Variants in APBA1 observed in about 807,000 individuals in gnomAD.
APBA1 encodes amyloid beta precursor protein binding family A member 1.
A neutral mutation model predicts 86.6 loss-of-function variants in APBA1; 55 were observed. That is an observed-to-expected ratio of 0.64 (90% confidence interval 0.51 to 0.80). The LOEUF (loss-of-function observed/expected upper bound fraction) is 0.80, where lower values mean the gene tolerates loss of function less well. Ranked by LOEUF, APBA1 falls within the 30% of genes least tolerant of loss-of-function variation. The pLI is 0.00. For missense variants in APBA1, 1,090 were observed against 1,183.0 expected (o/e 0.92, Z 1.15); for synonymous variants, 511 against 493.9 (o/e 1.03, Z -0.46).
chr9:69,458,039 C>T (rs1835128278), intron 6 of APBA1, 117 bp downstream of exon 6: 2 of 1,110,392 alleles, frequency 1.8e-6, no homozygotes, highest in Non-Finnish European at 2.5e-6. Context: ...AAAAAGAAAT[C>T]TGAACAAAAA....
chr9:69,493,682 T>G (rs1042571110), intron 2 of APBA1, among the ~76,000 whole-genome samples: 1 of 152,124 alleles, frequency 6.6e-6, no homozygotes, highest in Non-Finnish European at 1.5e-5. Flanking sequence ...CCATAAAATA[T>G]ATAGTAGGAG....
intron 2 of APBA1, among the ~76,000 whole-genome samples, chr9:69,477,788 GCCT>G (rs1394944271): frequency 2.9e-3 from 1 of 348 alleles, no homozygotes; most frequent in African/African-American, 9.3e-3. Flanking sequence ...CGGGCAGACT[GCCT>G]CCTCAAGTGG....
intron 2 of APBA1, among the ~76,000 whole-genome samples, chr9:69,505,745 T>C (rs1409154555): frequency 6.6e-6 from 1 of 152,060 alleles, no homozygotes; most frequent in Non-Finnish European, 1.5e-5. Flanking sequence ...AGGCCGGGTG[T>C]GGTGGCTCAT....
intron 5 of APBA1, among the ~76,000 whole-genome samples, chr9:69,460,284 A>G (rs997496228): frequency 2.6e-5 from 4 of 152,156 alleles, no homozygotes; most frequent in African/African-American, 7.2e-5. Flanking sequence ...CTGCTCTGAA[A>G]AAGTTTGAAG....
chr9:69,624,115 G>C (rs1039630955), intron 1 of APBA1, among the ~76,000 whole-genome samples: 1 of 152,166 alleles, frequency 6.6e-6, no homozygotes, highest in African/African-American at 2.4e-5. Context: ...CAGAGGTTCA[G>C]ATTATGATAC....
At chr9:69,605,886 G>C (rs955903120) in intron 1 of APBA1, among the ~76,000 whole-genome samples, 4 of 152,192 alleles carry the variant, frequency 2.6e-5, no homozygotes, top group Admixed American at 1.3e-4. Flanking sequence ...CCTGTAAATA[G>C]TAAGCAATCA....
chr9:69,625,529 G>A (rs543002811), intron 1 of APBA1, among the ~76,000 whole-genome samples: 14 of 152,124 alleles, frequency 9.2e-5, no homozygotes, highest in African/African-American at 2.4e-4. Flanking sequence ...TTGCTGGCTC[G>A]GTGAATATGG....
intron 1 of APBA1, among the ~76,000 whole-genome samples, chr9:69,656,839 C>CTTTT (rs55751456): frequency 5.2e-5 from 7 of 134,732 alleles, no homozygotes; most frequent in African/African-American, 1.1e-4. Flanking sequence ...ACCGGGAGAT[C>CTTTT]TTTTTTTTTT....
chr9:69,662,760 G>T (rs531913308), intron 1 of APBA1, among the ~76,000 whole-genome samples: 1 of 152,196 alleles, frequency 6.6e-6, no homozygotes, highest in East Asian at 1.9e-4. Context: ...AAGAGTGAAG[G>T]ACAGGAAAGA....
At chr9:69,533,801 G>A (rs373803851) in intron 1 of APBA1, among the ~76,000 whole-genome samples, 31 of 152,294 alleles carry the variant, frequency 2.0e-4, no homozygotes, top group African/African-American at 5.5e-4. Flanking sequence ...AACTGAAAGC[G>A]TTGGCAAAGC....
intron 10 of APBA1, among the ~76,000 whole-genome samples, chr9:69,446,542 CTG>C (rs1439607361): frequency 2.6e-5 from 4 of 152,238 alleles, no homozygotes; most frequent in East Asian, 1.9e-4. Flanking sequence ...CCTTAGGAAA[CTG>C]TGCAGACAGA....
intron 1 of APBA1, among the ~76,000 whole-genome samples, chr9:69,532,829 C>A (rs988021116): frequency 6.6e-6 from 1 of 152,158 alleles, no homozygotes; most frequent in Non-Finnish European, 1.5e-5. Context: ...ATTCTTACAA[C>A]CTTTCTTCCA....
At chr9:69,597,717 A>G (rs1010661043) in intron 1 of APBA1, among the ~76,000 whole-genome samples, 40 of 152,322 alleles carry the variant, frequency 2.6e-4, no homozygotes, top group African/African-American at 8.2e-4. Flanking sequence ...ATCCAGTTTC[A>G]GCTTTCTACA....
chr9:69,621,752 A>G (rs551468613), intron 1 of APBA1, among the ~76,000 whole-genome samples: 1 of 152,128 alleles, frequency 6.6e-6, no homozygotes, highest in South Asian at 2.1e-4. Flanking sequence ...CATCATTACA[A>G]CTCTTCTTTA....
chr9:69,476,617 C>G (rs988025309), intron 2 of APBA1, among the ~76,000 whole-genome samples: 2 of 151,628 alleles, frequency 1.3e-5, no homozygotes, highest in Admixed American at 1.3e-4. Flanking sequence ...GGCTAGAAAC[C>G]ATACCACCTG....
intron 1 of APBA1, among the ~76,000 whole-genome samples, chr9:69,669,242 T>C (rs967973462): frequency 5.9e-5 from 9 of 152,208 alleles, no homozygotes; most frequent in Admixed American, 2.6e-4. Flanking sequence ...TACTTCTTCT[T>C]TCTAGGATAA....
At chr9:69,587,853 C>G (rs1007090310) in intron 1 of APBA1, among the ~76,000 whole-genome samples, 1 of 151,790 alleles carries the variant, frequency 6.6e-6, no homozygotes, top group African/African-American at 2.4e-5. Flanking sequence ...AGTGAAACCC[C>G]GTCTCTACCA....
intron 1 of APBA1, among the ~76,000 whole-genome samples, chr9:69,570,306 A>C (rs1837095868): frequency 6.6e-6 from 1 of 152,212 alleles, no homozygotes; most frequent in African/African-American, 2.4e-5. Context: ...GAAAAGAATG[A>C]CAGTGTGATT....
At chr9:69,617,198 C>T (rs1449080979) in intron 1 of APBA1, among the ~76,000 whole-genome samples, 1 of 152,156 alleles carries the variant, frequency 6.6e-6, no homozygotes, top group Non-Finnish European at 1.5e-5. Flanking sequence ...GAATCTTTGT[C>T]TTCCTTCACT....
Sources: gnomAD v4.1 joint callset for allele counts (sites outside exome capture counted in the v4.1 genomes callset) on GRCh38, gnomAD v4.1.1 for gene constraint, MANE v1.5 for transcripts, NCBI Gene and HGNC (gene_info 2026-07-23, HGNC 2026-07-21) for gene names.